ADAM22: variants seen among roughly 807,000 people sequenced by gnomAD.
The protein encoded by ADAM22 is ADAM metallopeptidase domain 22.
In ADAM22, 65 loss-of-function variants were observed where a neutral mutation model predicts 144.6. The observed-to-expected ratio is 0.45, with a 90% confidence interval of 0.37 to 0.55. ADAM22 has a LOEUF of 0.55. Among genes scored for constraint, ADAM22 ranks in the 20% least tolerant of loss-of-function variants. ADAM22 has a pLI of 0.00. For synonymous variants in ADAM22, 391 were observed against 412.6 expected, an observed-to-expected ratio of 0.95 and a Z score of 0.63; for missense variants, 974 against 1,184.9, an observed-to-expected ratio of 0.82 and a Z score of 2.61.
intron 3 of ADAM22, among the ~76,000 whole-genome samples, chr7:87,998,006 T>G (rs1791633511): frequency 6.6e-6 from 1 of 152,200 alleles, no homozygotes; most frequent in South Asian, 2.1e-4. Flanking sequence ...GCTGAAGGCC[T>G]GAGAGCCCCT....
chr7:88,097,952 A>AT (rs1338886034), intron 4 of ADAM22, among the ~76,000 whole-genome samples: 2 of 152,138 alleles, frequency 1.3e-5, no homozygotes, highest in Non-Finnish European at 2.9e-5. Context: ...GTCCACATTG[A>AT]TTTTCCATTC....
At chr7:88,079,418 C>A (rs1485838037) in intron 4 of ADAM22, among the ~76,000 whole-genome samples, 1 of 152,150 alleles carries the variant, frequency 6.6e-6, no homozygotes, top group Non-Finnish European at 1.5e-5. Context: ...ACCATCGAGG[C>A]TAGGAAGAAA....
intron 3 of ADAM22, among the ~76,000 whole-genome samples, chr7:88,047,611 TA>T (rs984485471): frequency 2.0e-5 from 3 of 152,212 alleles, no homozygotes; most frequent in Admixed American, 6.5e-5. Context: ...TGTCTTTTAT[TA>T]AAAAATGATT....
At chr7:87,960,534 G>T (rs1338796533) in intron 2 of ADAM22, among the ~76,000 whole-genome samples, 4 of 152,104 alleles carry the variant, frequency 2.6e-5, no homozygotes, top group Non-Finnish European at 4.4e-5. Flanking sequence ...GTGCAGTTGG[G>T]TATTTCAGTT....
At chr7:88,050,994 T>C (rs1234134984) in intron 3 of ADAM22, among the ~76,000 whole-genome samples, 1 of 152,228 alleles carries the variant, frequency 6.6e-6, no homozygotes, top group Non-Finnish European at 1.5e-5. Flanking sequence ...TGGTTTTAGG[T>C]CTGACATTTA....
In ADAM22 at chr7:88,054,005, G is replaced by A. The variant is rs767776257; in HGVS notation, c.324-21621G>A. Among the ~76,000 whole-genome samples the A allele has an allele frequency of 5.9e-5, 9 of 152,178 alleles. No homozygotes were observed. In the South Asian group the frequency reaches 1.2e-3, roughly 21 times the overall value. Reference sequence around the variant, plus strand: ...AAATTAGCCAGGCATGGTAGCATGCGCCTGTAATTCCAGCTACTCGGGAGG... The same window carrying A: ...AAATTAGCCAGGCATGGTAGCATGCACCTGTAATTCCAGCTACTCGGGAGG... On this transcript the variant is annotated intron_variant, in intron 3 of 31. Transcript: ENST00000413139.
In ADAM22 at chr7:87,934,460, A is replaced by G. The variant is rs1188938542; in HGVS notation, c.-6A>G. On this transcript the variant is annotated 5_prime_UTR_variant, in exon 1 of 32. Coordinates refer to ENST00000413139, the MANE Select transcript of ADAM22 (RefSeq NM_001324418.2). ...GTCTCGGGCGAGGCGGGCTGACGGC[A>G]GCACCATGCAGGCGGCAGTGGCTGT... 3 of 1,591,264 alleles carry G rather than the reference A, an allele frequency of 1.9e-6. No individual in the cohort carries two copies. The highest frequency in any genetic ancestry group is 2.7e-5 in the African/African-American group (2 of 74,338).
rs1851278669 is a variant in ADAM22, at chr7:88,202,627, A to G, written c.*6136A>G. ...TTAATAATTACTGGGGTTATGGCAA[A>G]CACCAATGGAAATGTATATGGCAAC... On this transcript the variant is annotated 3_prime_UTR_variant, in exon 32 of 32. Transcript: ENST00000413139. 1 of 152,232 alleles carries G rather than the reference A, an allele frequency of 6.6e-6. No homozygotes were observed. The highest frequency in any genetic ancestry group is 2.1e-4 in the South Asian group (1 of 4,832). 9.4% of individuals were successfully genotyped at this position (152,232 alleles called of 1,614,324 possible). A position where few individuals can be genotyped will look rare whatever the true frequency, so the allele number is the denominator to read the frequency against.
chr7:88,120,265 T>C (rs995184123), intron 7 of ADAM22, among the ~76,000 whole-genome samples: 13 of 152,248 alleles, frequency 8.5e-5, no homozygotes, highest in Non-Finnish European at 1.8e-4. Flanking sequence ...GCCATGTTGG[T>C]GTGCTGCACC....
chr7:88,096,230 C>CT (rs35118504), intron 4 of ADAM22, among the ~76,000 whole-genome samples: 121 of 146,830 alleles, frequency 8.2e-4, no homozygotes, highest in Non-Finnish European at 7.8e-4. Context: ...GCTGAAAATA[C>CT]TTTTTTTTTT....
intron 3 of ADAM22, among the ~76,000 whole-genome samples, chr7:88,043,383 G>T (rs992712034): frequency 2.8e-4 from 42 of 151,912 alleles, no homozygotes; most frequent in African/African-American, 1.0e-3. Context: ...TACTCGGGAG[G>T]CTGAGGCAGG....
At chr7:88,025,419 G>A (rs370842509) in intron 3 of ADAM22, among the ~76,000 whole-genome samples, 21 of 152,170 alleles carry the variant, frequency 1.4e-4, no homozygotes, top group African/African-American at 2.4e-4. Context: ...TTGCCTGTGC[G>A]TGTGGGGTAT....
chr7:88,068,495 A>C (rs996205505), intron 3 of ADAM22, among the ~76,000 whole-genome samples: 3 of 152,192 alleles, frequency 2.0e-5, no homozygotes, highest in Non-Finnish European at 4.4e-5. Flanking sequence ...TATTGGTCCA[A>C]AGAAAGTTAC....
intron 2 of ADAM22, among the ~76,000 whole-genome samples, chr7:87,944,529 T>C (rs1843103845): frequency 2.0e-5 from 3 of 152,080 alleles, no homozygotes. Flanking sequence ...ACACATAGCT[T>C]GGTGGTATTA....
chr7:88,081,570 A>G (rs1380188121), intron 4 of ADAM22, among the ~76,000 whole-genome samples: 2,425 of 151,076 alleles, frequency 0.016, 40 homozygotes, highest in Non-Finnish European at 0.026. Context: ...TGCAGATGAC[A>G]TGATTGTATA....
chr7:88,005,366 G>C (rs1793556778), intron 3 of ADAM22, among the ~76,000 whole-genome samples: 1 of 152,178 alleles, frequency 6.6e-6, no homozygotes, highest in Admixed American at 6.6e-5. Flanking sequence ...AAGCTATCTG[G>C]ATAAGCAGAT....
At chr7:88,050,529 G>C (rs939402466) in intron 3 of ADAM22, among the ~76,000 whole-genome samples, 1 of 150,836 alleles carries the variant, frequency 6.6e-6, no homozygotes, top group Non-Finnish European at 1.5e-5. Flanking sequence ...ATTATTGAAT[G>C]GTTTGTAGTC....
intron 3 of ADAM22, among the ~76,000 whole-genome samples, chr7:88,052,288 G>A (rs1350353641): frequency 6.6e-6 from 1 of 150,566 alleles, no homozygotes; most frequent in Non-Finnish European, 1.5e-5. Flanking sequence ...ATGAGGTCAG[G>A]AGATCGAGAC....
chr7:88,145,049 A>C, intron 15 of ADAM22, 76 bp from the exon 16 acceptor site: 1 of 1,257,756 alleles, frequency 8.0e-7, no homozygotes, highest in Non-Finnish European at 1.1e-6. Context: ...ATATTTGGGT[A>C]TGGCACTTAT....
Sources: allele counts gnomAD v4.1 joint callset (sites outside exome capture counted in the v4.1 genomes callset), GRCh38; gene constraint gnomAD v4.1.1; transcripts MANE v1.5; gene names NCBI Gene and HGNC (gene_info 2026-07-23, HGNC 2026-07-21).